Variants in STXBP4 observed in about 807,000 individuals in gnomAD.
The protein encoded by STXBP4 is syntaxin-binding protein 4.
A neutral mutation model predicts 76.1 loss-of-function variants in STXBP4; 55 were observed. The observed-to-expected ratio is 0.72, with a 90% CI of 0.58 to 0.91. STXBP4 has a LOEUF of 0.91. Among genes scored for constraint, STXBP4 ranks in the 40% least tolerant of loss-of-function variants. The probability of loss-of-function intolerance (pLI) is 0.00; values close to 1 mark genes in which losing one functional copy is unlikely to be tolerated. For synonymous variants in STXBP4, 201 were observed against 220.2 expected (o/e 0.91, Z 0.77); for missense variants, 618 against 636.9 (o/e 0.97, Z 0.32).
chr17:55,114,159 CA>C (rs1444181661), intron 16 of STXBP4, among the ~76,000 whole-genome samples: 1 of 151,982 alleles, frequency 6.6e-6, no homozygotes, highest in Non-Finnish European at 1.5e-5. Context: ...TTTTATCTGT[CA>C]TTCTCTTGAT....
intron 10 of STXBP4, among the ~76,000 whole-genome samples, chr17:55,039,213 C>G (rs767200328): frequency 3.3e-5 from 5 of 152,084 alleles, no homozygotes; most frequent in Non-Finnish European, 7.4e-5. Context: ...AGAAAAGATT[C>G]ATAACAGTTG....
At chr17:55,099,068 C>A (rs1425267188) in intron 16 of STXBP4, among the ~76,000 whole-genome samples, 1 of 152,072 alleles carries the variant, frequency 6.6e-6, no homozygotes, top group African/African-American at 2.4e-5. Context: ...CAATGAGGCA[C>A]CATTTTTATT....
Position 55,032,256 on chromosome 17 carries a change from T to G in STXBP4, c.763+992T>G, listed in dbSNP as rs746960616. ...AGCATCTGTATTGCTGAAAAAAAATTGACCTTTTGGTTTTTAAGTGATGAA... is the reference window on the plus strand; with the variant it reads ...AGCATCTGTATTGCTGAAAAAAAATGGACCTTTTGGTTTTTAAGTGATGAA... On this transcript the variant is annotated intron_variant, in intron 9 of 17. Coordinates refer to ENST00000376352, the MANE Select transcript of STXBP4 (RefSeq NM_178509.6). 3.2e-4 allele frequency among the ~76,000 whole-genome samples: 49 copies of G among 152,254 alleles called. No individual in the cohort carries two copies. The South Asian group carries it at 4.4e-3, about 14-fold the overall frequency.
chr17:55,031,267 A>C lies in STXBP4; in HGVS notation c.763+3A>C. The C allele has an allele frequency of 6.2e-7, 1 of 1,602,444 alleles. No homozygotes were observed. Among genetic ancestry groups the C allele is most frequent in the South Asian group, 1.1e-5 (1 of 90,694 alleles). On this transcript the variant is annotated splice_donor_region_variant and intron_variant, in intron 9 of 17. Transcript: ENST00000376352. ...AAAAGGGACAGTGTCTTTTGGAGGT[A>C]ATATTAGGTTTATTGTGTTGTATTA...
the STXBP4 span, among the ~76,000 whole-genome samples, chr17:55,184,739 C>A: frequency 5.3e-5 from 8 of 152,170 alleles, no homozygotes; most frequent in African/African-American, 1.7e-4. Context: ...TAAATGTTTT[C>A]TTGGATTAGC....
chr17:55,104,443 T>C (rs952570277), intron 16 of STXBP4, among the ~76,000 whole-genome samples: 1 of 152,216 alleles, frequency 6.6e-6, no homozygotes, highest in African/African-American at 2.4e-5. Flanking sequence ...GATTTGTGTA[T>C]GTTGAACCAG....
At chr17:55,136,609 T>C (rs2080030945) in intron 16 of STXBP4, among the ~76,000 whole-genome samples, 1 of 152,098 alleles carries the variant, frequency 6.6e-6, no homozygotes, top group African/African-American at 2.4e-5. Context: ...TGACATCACA[T>C]TGGTAGCTCG....
chr17:55,049,136 A>G (rs2078827588), intron 12 of STXBP4, among the ~76,000 whole-genome samples: 1 of 151,988 alleles, frequency 6.6e-6, no homozygotes, highest in South Asian at 2.1e-4. Flanking sequence ...AAAGTATACA[A>G]AAATGTTTTA....
At chr17:55,087,014 T>C (rs779951614) in intron 16 of STXBP4, among the ~76,000 whole-genome samples, 4 of 152,182 alleles carry the variant, frequency 2.6e-5, no homozygotes, top group Non-Finnish European at 5.9e-5. Context: ...TGACGATTAG[T>C]GATGTTGAGC....
At chr17:55,031,434 C>G (rs1290552413) in intron 9 of STXBP4, among the ~76,000 whole-genome samples, 170 bp downstream of exon 9, 1 of 147,648 alleles carries the variant, frequency 6.8e-6, no homozygotes, top group Non-Finnish European at 1.5e-5. Flanking sequence ...GAATTACTGA[C>G]CTGGCAGGGT....
At chr17:55,195,885 G>A in the STXBP4 span, among the ~76,000 whole-genome samples, 10 of 152,106 alleles carry the variant, frequency 6.6e-5, no homozygotes, top group African/African-American at 1.2e-4. Flanking sequence ...TGCTACTGGC[G>A]TCTAGTGGGT....
chr17:55,164,491 G>C lies in STXBP4; in HGVS notation c.*4580G>C, dbSNP rs1157801799. On this transcript the variant is annotated 3_prime_UTR_variant, in exon 18 of 18. Transcript: ENST00000376352. The stretch of plus-strand genomic sequence containing the variant: ...CGGAGTCTCGCTCTGTCGCCCAGGC[G>C]GGACTGCGGACTGCAGCGGCGCAAT... 1.6e-4 allele frequency: 20 copies of C among 127,604 alleles called. No homozygotes were observed. The highest frequency in any genetic ancestry group is 5.5e-4 in the African/African-American group (19 of 34,378). The allele number at this position is 127,604 out of a possible 1,614,324, so 7.9% of individuals were successfully genotyped here.
chr17:54,999,671 A>C lies in STXBP4; in HGVS notation c.327A>C (p.Lys109Asn), dbSNP rs773803250. ...GGGAGATAGCATTCATAAGACAAAA[A>C]TCCGACAACATTCAGCCAGAAAATC... ...SAWEIAFIRQ[K>N]SDNIQPENLS... The change falls in exon 6 of 18, where the codon AAA becomes AAC. Residue 109 changes from lysine to asparagine, a missense_variant. Lys to Asn is a moderately conservative substitution (Grantham distance 94). Coordinates refer to ENST00000376352, the MANE Select transcript of STXBP4 (RefSeq NM_178509.6). 1.9e-5 allele frequency: 30 copies of C among 1,613,672 alleles called. No homozygotes were observed. Among genetic ancestry groups the C allele is most frequent in the Non-Finnish European group, 2.4e-5 (28 of 1,179,844 alleles).
At chr17:54,974,277 G>C (rs1368460876) in intron 1 of STXBP4, among the ~76,000 whole-genome samples, 6 of 152,178 alleles carry the variant, frequency 3.9e-5, no homozygotes, top group African/African-American at 1.4e-4. Context: ...TAATGTATTT[G>C]AATAAATAGT....
At chr17:55,198,813 T>C in the STXBP4 span, among the ~76,000 whole-genome samples, 1 of 152,180 alleles carries the variant, frequency 6.6e-6, no homozygotes, top group Admixed American at 6.5e-5. Flanking sequence ...CAGAAACCAT[T>C]GTGGCATACG....
downstream of STXBP4, among the ~76,000 whole-genome samples, chr17:55,178,402 T>TTTA (rs2145224101): frequency 6.6e-6 from 1 of 152,336 alleles, no homozygotes; most frequent in Admixed American, 6.5e-5. Flanking sequence ...CTATATGGCC[T>TTTA]TAATAAAGTT....
chr17:55,141,292 G>T lies in STXBP4; in HGVS notation c.1490-18G>T. 6.3e-6 allele frequency: 10 copies of T among 1,596,590 alleles called. No individual in the cohort carries two copies. The highest frequency in any genetic ancestry group is 7.7e-6 in the Non-Finnish European group (9 of 1,168,382). Reference sequence around the variant, plus strand: ...TTATCATCTTATTAAATATATTTTTGGTTTCCTTTCACTGTAGGTTTACCT... The same window carrying T: ...TTATCATCTTATTAAATATATTTTTTGTTTCCTTTCACTGTAGGTTTACCT... On this transcript the variant is annotated intron_variant, in intron 16 of 17. Transcript: ENST00000376352.
intron 8 of STXBP4, among the ~76,000 whole-genome samples, chr17:55,023,916 C>CAAAAAAAAAAA (rs61454264): frequency 5.0e-4 from 31 of 62,218 alleles, no homozygotes; most frequent in East Asian, 9.6e-4. Flanking sequence ...GGCCCTTTTC[C>CAAAAAAAAAAA]AAAAAAAAAA....
chr17:55,124,220 G>A (rs1305945609), intron 16 of STXBP4, among the ~76,000 whole-genome samples: 1 of 152,152 alleles, frequency 6.6e-6, no homozygotes, highest in Admixed American at 6.5e-5. Flanking sequence ...GATAAGACAG[G>A]CTGTGAGGTT....
Sources: allele counts gnomAD v4.1 joint callset (sites outside exome capture counted in the v4.1 genomes callset), GRCh38; gene constraint gnomAD v4.1.1; transcripts MANE v1.5; gene names NCBI Gene and HGNC (gene_info 2026-07-23, HGNC 2026-07-21).